DOCK10: variants seen among roughly 807,000 people sequenced by gnomAD.
The protein encoded by DOCK10 is dedicator of cytokinesis 10.
In DOCK10, 145 loss-of-function variants were observed where a neutral mutation model predicts 280.1. That is an observed-to-expected ratio of 0.52 (90% CI 0.45 to 0.59). The LOEUF (loss-of-function observed/expected upper bound fraction) is 0.59, where lower values mean the gene tolerates loss of function less well. DOCK10 is among the 20% of genes least tolerant of loss of function. DOCK10 has a pLI of 0.00. For synonymous variants in DOCK10, 915 were observed against 942.2 expected, an observed-to-expected ratio of 0.97 and a Z score of 0.53; for missense variants, 2,368 against 2,651.7, an observed-to-expected ratio of 0.89 and a Z score of 2.35.
chr2:224,984,840 CTTTTT>C (rs35558535), intron 1 of DOCK10, among the ~76,000 whole-genome samples: 1 of 99,928 alleles, frequency 1.0e-5, no homozygotes, highest in Non-Finnish European at 2.2e-5. Flanking sequence ...ACACAGGAAA[CTTTTT>C]TTTTTTTTTT....
chr2:225,002,429 C>T (rs1055231594), intron 1 of DOCK10, among the ~76,000 whole-genome samples: 2 of 152,232 alleles, frequency 1.3e-5, no homozygotes, highest in South Asian at 4.1e-4. Context: ...AATGACAACA[C>T]GGCTTTCTCA....
intron 7 of DOCK10, 44 bp from the exon 8 acceptor site, chr2:224,876,265 T>C (rs747222130): frequency 2.0e-6 from 3 of 1,495,308 alleles, no homozygotes; most frequent in Non-Finnish European, 1.8e-6. Flanking sequence ...TACCAAAAAA[T>C]AAGCCTTCGA....
At chr2:224,792,452 T>A (rs1401806976) in intron 47 of DOCK10, among the ~76,000 whole-genome samples, 4 of 152,022 alleles carry the variant, frequency 2.6e-5, no homozygotes, top group Non-Finnish European at 5.9e-5. Context: ...CCCAGCTAAA[T>A]TTTGTATTTT....
chr2:224,920,760 C>T (rs1701658211), intron 2 of DOCK10, among the ~76,000 whole-genome samples: 1 of 151,774 alleles, frequency 6.6e-6, no homozygotes, highest in Non-Finnish European at 1.5e-5. Context: ...GTCTCCATTG[C>T]TTTCTTGACT....
At chr2:225,032,142 A>G (rs1329015006) in intron 1 of DOCK10, among the ~76,000 whole-genome samples, 3 of 152,156 alleles carry the variant, frequency 2.0e-5, no homozygotes, top group African/African-American at 7.2e-5. Flanking sequence ...CTTTAAAAGG[A>G]TAAGATCTCC....
intron 1 of DOCK10, among the ~76,000 whole-genome samples, chr2:224,955,301 C>G (rs1296799337): frequency 6.6e-6 from 1 of 152,114 alleles, no homozygotes; most frequent in East Asian, 1.9e-4. Flanking sequence ...TATGGAATAC[C>G]ACCATTACAT....
In DOCK10 at chr2:224,789,107, G is replaced by A. The variant is rs767266471; in HGVS notation, c.5375C>T (p.Ala1792Val). 1.7e-5 allele frequency: 27 copies of A among 1,613,226 alleles called. No homozygotes were observed. The highest frequency in any genetic ancestry group is 5.5e-5 in the South Asian group (5 of 90,976). ...SITPNIKEEGAMKEDSGMQDT... is the reference protein window; with the variant it reads ...SITPNIKEEGVMKEDSGMQDT... ...TTGCATTCCAGAATCCTCTTTCATC[G>A]CTCCTTCTTCCTTAATGTTTGGTGT... The change falls in exon 48 of 56, where the codon GCG (alanine) becomes GTG (valine). Residue 1792 changes from alanine to valine, a missense_variant. This residue lies in a region of DOCK10 where 1,159 missense variants were observed against 1,400.8 expected (regional missense o/e 0.83). Coordinates refer to ENST00000258390, the MANE Select transcript of DOCK10 (RefSeq NM_014689.3).
intron 14 of DOCK10, among the ~76,000 whole-genome samples, chr2:224,858,646 C>G (rs1437164481): frequency 6.6e-6 from 1 of 152,032 alleles, no homozygotes; most frequent in Non-Finnish European, 1.5e-5. Flanking sequence ...GAGCGAGACT[C>G]CGTCTCAAAA....
intron 1 of DOCK10, among the ~76,000 whole-genome samples, chr2:225,018,552 A>T (rs1301505441): frequency 2.1e-4 from 2 of 9,518 alleles, no homozygotes; most frequent in Admixed American, 1.3e-3. Context: ...ATATATATAT[A>T]ATATATATGT....
chr2:224,905,799 C>T (rs987019000), intron 3 of DOCK10, among the ~76,000 whole-genome samples: 2 of 152,084 alleles, frequency 1.3e-5, no homozygotes, highest in African/African-American at 4.8e-5. Flanking sequence ...TCCTCTCTGC[C>T]CACTCCTTCT....
chr2:224,807,802 C>T lies in DOCK10; in HGVS notation c.3586-18G>A. On this transcript the variant is annotated intron_variant, in intron 32 of 55. Coordinates refer to ENST00000258390, the MANE Select transcript of DOCK10 (RefSeq NM_014689.3). ...TGCTTTCTCTAGGAGAAAAGGTAGC[C>T]AAAAGAAATGATTCATGTAAAAATC... 6.4e-7 allele frequency: 1 copy of T among 1,562,396 alleles called. No homozygotes were observed. The highest frequency in any genetic ancestry group is 8.7e-7 in the Non-Finnish European group (1 of 1,151,890).
intron 29 of DOCK10, among the ~76,000 whole-genome samples, chr2:224,818,783 T>G (rs1694318128): frequency 6.6e-6 from 1 of 152,252 alleles, no homozygotes; most frequent in Non-Finnish European, 1.5e-5. Context: ...AATTCCCTTT[T>G]GCTCAAATTG....
chr2:224,837,656 C>T (rs187635939), intron 25 of DOCK10, 106 bp downstream of exon 25: 175 of 851,776 alleles, frequency 2.1e-4, no homozygotes, highest in South Asian at 1.6e-3. Flanking sequence ...CTGTGGTGGG[C>T]GCCACTCAGT....
chr2:224,817,199 A>G (rs1239312505), intron 29 of DOCK10, among the ~76,000 whole-genome samples: 1 of 152,244 alleles, frequency 6.6e-6, no homozygotes, highest in Non-Finnish European at 1.5e-5. Context: ...CTCATAGTAC[A>G]TTAATTAATT....
chr2:224,983,644 T>C (rs967149127), intron 1 of DOCK10: 4 of 403,738 alleles, frequency 9.9e-6, no homozygotes, highest in African/African-American at 8.3e-5. Flanking sequence ...GCATCTAGCA[T>C]GATGCTCAAA....
At chr2:224,783,613 A>AT (rs942831198) in intron 50 of DOCK10, among the ~76,000 whole-genome samples, 4 of 152,006 alleles carry the variant, frequency 2.6e-5, no homozygotes, top group Non-Finnish European at 5.9e-5. Flanking sequence ...GTACTGCAGC[A>AT]TTAAAAAAAA....
intron 13 of DOCK10, 143 bp downstream of exon 13, chr2:224,864,410 T>C (rs945360685): frequency 7.7e-5 from 60 of 779,926 alleles, no homozygotes; most frequent in Non-Finnish European, 1.1e-4. Context: ...CTGGGGAGGC[T>C]GAGGCAAGAG....
Position 224,775,089 on chromosome 2 carries a change from T to C in DOCK10, c.5829A>G (p.Lys1943=). 1 of 1,614,044 alleles carries C rather than the reference T, an allele frequency of 6.2e-7. No individual in the cohort carries two copies. The highest frequency in any genetic ancestry group is 8.5e-7 in the Non-Finnish European group (1 of 1,179,884). The change falls in exon 52 of 56, where the codon AAA becomes AAG. Residue 1943 remains lysine (K), a synonymous_variant. Coordinates refer to ENST00000258390, the MANE Select transcript of DOCK10 (RefSeq NM_014689.3). The part of the protein sequence containing the change: ...NKVNPKDLDP[K]YAYIQVTYVT... Reference sequence around the variant, plus strand: ...CATAGGTCACCTGGATGTAGGCATATTTGGGGTCCAAATCCTTGGGGTTTA... The same window carrying C: ...CATAGGTCACCTGGATGTAGGCATACTTGGGGTCCAAATCCTTGGGGTTTA...
At chr2:225,035,577 TATATATATATAA>T (rs1273735556) in intron 1 of DOCK10, among the ~76,000 whole-genome samples, 4 of 95,126 alleles carry the variant, frequency 4.2e-5, no homozygotes, top group African/African-American at 2.0e-4. Context: ...TATATATATA[TATATATATATAA>T]CACTGAATCA....
Sources: allele counts gnomAD v4.1 joint callset (sites outside exome capture counted in the v4.1 genomes callset), GRCh38; gene constraint gnomAD v4.1.1; regional missense constraint gnomAD v4.1.1; transcripts MANE v1.5; gene names NCBI Gene and HGNC (gene_info 2026-07-23, HGNC 2026-07-21).